FSTL5: variants seen among roughly 807,000 people sequenced by gnomAD.
FSTL5 encodes the protein follistatin like 5, also known as follistatin-related protein 5.
Under a neutral mutation model 89.1 loss-of-function variants are expected in FSTL5, and 62 were observed. The observed-to-expected ratio is 0.70, with a 90% CI of 0.57 to 0.86. FSTL5 has a LOEUF of 0.86. Ranked by LOEUF, FSTL5 falls within the 40% of genes least tolerant of loss-of-function variation. The probability of loss-of-function intolerance (pLI) is 0.00; values close to 1 mark genes in which losing one functional copy is unlikely to be tolerated. For missense variants in FSTL5, 1,057 were observed against 1,001.6 expected (o/e 1.06, Z -0.75); for synonymous variants, 383 against 346.2 (o/e 1.11, Z -1.18).
intron 8 of FSTL5, among the ~76,000 whole-genome samples, chr4:161,558,348 A>G (rs1481211386): frequency 1.3e-5 from 2 of 151,874 alleles, no homozygotes; most frequent in African/African-American, 4.8e-5. Context: ...CAATATGGCA[A>G]TCTAATGTGC....
At chr4:161,988,053 TA>T (rs1216486705) in intron 3 of FSTL5, among the ~76,000 whole-genome samples, 1 of 144,018 alleles carries the variant, frequency 6.9e-6, no homozygotes, top group Non-Finnish European at 1.5e-5. Flanking sequence ...ATGATTGGAC[TA>T]AAAAAACCAC....
chr4:162,113,833 A>G (rs781350810), intron 1 of FSTL5, among the ~76,000 whole-genome samples: 1 of 152,122 alleles, frequency 6.6e-6, no homozygotes, highest in Non-Finnish European at 1.5e-5. Context: ...ACGCATTCCC[A>G]TAGATCAGTT....
At chr4:161,947,583 C>T (rs1337492280) in intron 3 of FSTL5, among the ~76,000 whole-genome samples, 4 of 152,270 alleles carry the variant, frequency 2.6e-5, no homozygotes, top group Non-Finnish European at 4.4e-5. Context: ...CTGTTTCCCA[C>T]ATAAATATCT....
In FSTL5 at chr4:161,386,085, T is replaced by G. The variant is rs775455427; in HGVS notation, c.2206A>C (p.Asn736His). ...AATGCCAGATCAGATATGTGCAGAT[T>G]TGTGTAAATATCAAAAGCCTCCTGT... The part of the protein sequence containing the change: ...EIQEAFDIYT[N>H]LHISDLAFQP... The change falls in exon 16 of 16, where the codon AAT becomes CAT. Residue 736 changes from asparagine to histidine, a missense_variant. Coordinates refer to ENST00000306100, the MANE Select transcript of FSTL5 (RefSeq NM_020116.5). The G allele has an allele frequency of 6.2e-7, 1 of 1,614,034 alleles. No individual in the cohort carries two copies. The highest frequency in any genetic ancestry group is 1.7e-5 in the Admixed American group (1 of 60,000).
chr4:161,901,229 T>G (rs1733354143), intron 4 of FSTL5, among the ~76,000 whole-genome samples: 1 of 152,096 alleles, frequency 6.6e-6, no homozygotes, highest in African/African-American at 2.4e-5. Context: ...AGTAACATTT[T>G]TGATAAGAAT....
chr4:162,076,608 A>C (rs1189119772), intron 2 of FSTL5, among the ~76,000 whole-genome samples: 1 of 151,856 alleles, frequency 6.6e-6, no homozygotes, highest in Non-Finnish European at 1.5e-5. Context: ...ATAATGTGCC[A>C]GTGAAGGCAA....
chr4:161,447,257 A>C (rs1014196677), intron 15 of FSTL5, among the ~76,000 whole-genome samples: 3 of 152,118 alleles, frequency 2.0e-5, no homozygotes, highest in Non-Finnish European at 4.4e-5. Context: ...CAGAGCTTAG[A>C]GTCTACCAAT....
intron 13 of FSTL5, among the ~76,000 whole-genome samples, chr4:161,477,172 T>C (rs1289952006): frequency 6.6e-6 from 1 of 151,790 alleles, no homozygotes; most frequent in Non-Finnish European, 1.5e-5. Flanking sequence ...AGTCTTTTTG[T>C]AATATTTTAC....
At chr4:161,654,758 TA>T (rs1302517637) in intron 7 of FSTL5, among the ~76,000 whole-genome samples, 3 of 151,980 alleles carry the variant, frequency 2.0e-5, no homozygotes, top group African/African-American at 4.8e-5. Context: ...TGAATGAGGA[TA>T]AAAAATATGA....
chr4:162,039,872 G>T (rs13118011), intron 2 of FSTL5, among the ~76,000 whole-genome samples: 150,414 of 152,118 alleles, frequency 0.99, 74,380 homozygotes, highest in East Asian at 1. Context: ...TTATCCATAG[G>T]TCTTCCTACA....
chr4:161,610,726 C>G (rs1339118346), intron 7 of FSTL5, among the ~76,000 whole-genome samples: 2 of 152,064 alleles, frequency 1.3e-5, no homozygotes, highest in Non-Finnish European at 2.9e-5. Flanking sequence ...ATAAAGGGAG[C>G]CTGCTGACAC....
At chr4:161,824,093 A>G (rs969169593) in intron 4 of FSTL5, among the ~76,000 whole-genome samples, 1 of 152,082 alleles carries the variant, frequency 6.6e-6, no homozygotes, top group South Asian at 2.1e-4. Flanking sequence ...GCCTAAGCCA[A>G]TGTCTAGAAG....
At chr4:162,047,478 T>C (rs983407428) in intron 2 of FSTL5, 2 of 152,030 alleles carry the variant, frequency 1.3e-5, no homozygotes, top group African/African-American at 4.8e-5. Context: ...GCAGCATTTC[T>C]AAGCAAGTGT....
At chr4:161,727,572 A>G (rs1739464528) in intron 6 of FSTL5, among the ~76,000 whole-genome samples, 1 of 152,290 alleles carries the variant, frequency 6.6e-6, no homozygotes, top group African/African-American at 2.4e-5. Flanking sequence ...GGCTTCTCTA[A>G]GTTTTCATGT....
chr4:162,140,138 C>T (rs1357602367), intron 1 of FSTL5, among the ~76,000 whole-genome samples: 1 of 151,896 alleles, frequency 6.6e-6, no homozygotes, highest in African/African-American at 2.4e-5. Context: ...ATATCAAGTA[C>T]TAGTGAGAAT....
chr4:161,900,728 G>A (rs1733337128), intron 4 of FSTL5, among the ~76,000 whole-genome samples: 1 of 150,606 alleles, frequency 6.6e-6, no homozygotes, highest in African/African-American at 2.4e-5. Context: ...GGTTGCCAAG[G>A]TGCCTGAATA....
At chr4:161,596,881 G>A (rs1167858152) in intron 7 of FSTL5, among the ~76,000 whole-genome samples, 2 of 152,038 alleles carry the variant, frequency 1.3e-5, no homozygotes, top group Non-Finnish European at 2.9e-5. Flanking sequence ...GGGGTTGTTT[G>A]TTTTTTTCTT....
intron 3 of FSTL5, among the ~76,000 whole-genome samples, chr4:162,031,647 G>A (rs939700690): frequency 2.0e-5 from 3 of 152,070 alleles, no homozygotes; most frequent in Non-Finnish European, 4.4e-5. Context: ...TTAAAAGCCA[G>A]GAGTCTAGGG....
intron 2 of FSTL5, among the ~76,000 whole-genome samples, chr4:162,050,880 G>A (rs563829519): frequency 1.3e-4 from 20 of 151,122 alleles, no homozygotes; most frequent in Admixed American, 5.3e-4. Context: ...GAAGAAATTA[G>A]GCCTATAAAA....
Sources: gnomAD v4.1 joint callset for allele counts (sites outside exome capture counted in the v4.1 genomes callset) on GRCh38, gnomAD v4.1.1 for gene constraint, MANE v1.5 for transcripts, NCBI Gene and HGNC (gene_info 2026-07-23, HGNC 2026-07-21) for gene names.